The following PCDHGA10 variants were observed in gnomAD, a reference collection of about 807,000 sequenced individuals.
PCDHGA10 encodes protocadherin gamma subfamily A, 10, also known as protocadherin gamma-A10.
Under a neutral mutation model 59.5 loss-of-function variants are expected in PCDHGA10, and 42 were observed. The observed-to-expected ratio is 0.71, with a 90% confidence interval of 0.55 to 0.91. The LOEUF (loss-of-function observed/expected upper bound fraction) is 0.91. Among genes scored for constraint, PCDHGA10 ranks in the 40% least tolerant of loss-of-function variants. The pLI, the probability that PCDHGA10 is intolerant of heterozygous loss-of-function variation, is 0.00. For synonymous variants in PCDHGA10, 511 were observed against 517.2 expected (o/e 0.99, Z 0.16); for missense variants, 1,111 against 1,198.2 (o/e 0.93, Z 1.07).
At chr5:141,422,587 C>G in intron 1 of PCDHGA10, 2 of 1,614,032 alleles carry the variant, frequency 1.2e-6, no homozygotes, top group Non-Finnish European at 1.7e-6. Flanking sequence ...TCCCGTTTTT[C>G]CTCACTCCTC....
intron 1 of PCDHGA10, among the ~76,000 whole-genome samples, chr5:141,445,264 G>A (rs566395616): frequency 1.4e-4 from 22 of 152,276 alleles, no homozygotes; most frequent in Admixed American, 1.4e-3. Flanking sequence ...AATATAAGTC[G>A]AAACCACTCT....
In PCDHGA10 at chr5:141,415,170, C is replaced by T. The variant is rs781724309; in HGVS notation, c.1995C>T (p.Thr665=). Residue 665 remains threonine (T), a synonymous_variant, in exon 1 of 4, where the codon ACC becomes ACT. Coordinates refer to ENST00000398610, the MANE Select transcript of PCDHGA10 (RefSeq NM_018913.3). ...QPPLSATVTL[T]VAVADSIPQV... ...CTCTCTCCGCCACTGTCACGCTCAC[C>T]GTGGCCGTGGCCGACAGCATCCCCC... 3.7e-6 allele frequency: 6 copies of T among 1,613,878 alleles called. No individual in the cohort carries two copies. Among genetic ancestry groups the T allele is most frequent in the South Asian group, 2.2e-5 (2 of 91,084 alleles).
At chr5:141,418,278 T>C (rs2096243624) in intron 1 of PCDHGA10, 1 of 1,613,954 alleles carries the variant, frequency 6.2e-7, no homozygotes, top group East Asian at 2.2e-5. Context: ...GAAATAAACT[T>C]AGAAATCAGT....
At chr5:141,464,430 T>C (rs1213919443) in intron 1 of PCDHGA10, among the ~76,000 whole-genome samples, 1 of 151,680 alleles carries the variant, frequency 6.6e-6, no homozygotes, top group Non-Finnish European at 1.5e-5. Flanking sequence ...TATATAGATA[T>C]ATATGTTTGT....
chr5:141,449,588 CAAA>C (rs768743917), intron 1 of PCDHGA10, among the ~76,000 whole-genome samples: 1 of 57,486 alleles, frequency 1.7e-5, no homozygotes, highest in Non-Finnish European at 3.7e-5. Context: ...GACTCTGTCT[CAAA>C]AAAAAAAAAA....
In PCDHGA10 at chr5:141,413,010, C is replaced by A; in HGVS notation, c.-166C>A. 1.6e-6 allele frequency: 1 copy of A among 640,210 alleles called. No homozygotes were observed. The allele number at this position is 640,210 out of a possible 1,614,324, so 39.7% of individuals were successfully genotyped here. ...TCAATCCGGATTCTCAGGGCTTCAA[C>A]TACACAAGCCCCACAAACCGGCTGC... On this transcript the variant is annotated 5_prime_UTR_variant, in exon 1 of 4. Coordinates refer to ENST00000398610, the MANE Select transcript of PCDHGA10 (RefSeq NM_018913.3).
chr5:141,420,187 C>T (rs1369031488), intron 1 of PCDHGA10: 7 of 1,613,824 alleles, frequency 4.3e-6, no homozygotes, highest in Non-Finnish European at 5.9e-6. Context: ...ATTGTCCAGC[C>T]ACACAAGATA....
chr5:141,418,016 G>C (rs772945671), intron 1 of PCDHGA10: 1 of 1,613,968 alleles, frequency 6.2e-7, no homozygotes, highest in Non-Finnish European at 8.5e-7. Context: ...CCTCGCTAAG[G>C]ATCTAGGGCT....
At chr5:141,427,191 G>A (rs749528616) in intron 1 of PCDHGA10, 1 of 456,716 alleles carries the variant, frequency 2.2e-6, no homozygotes, top group South Asian at 1.5e-5. Flanking sequence ...TAAATCCAAA[G>A]ACTTAATAGA....
At position 141,489,947 on chromosome 5, in the gene PCDHGA10, A is replaced by G. The variant is rs368977481; in HGVS notation, c.2437-4860A>G. The G allele has an allele frequency of 5.4e-5, 87 of 1,614,090 alleles. No individual in the cohort carries two copies. Among genetic ancestry groups the G allele is most frequent in the South Asian group, 6.6e-5 (6 of 91,094 alleles). ...ATCTCTGTCATCGTGCTGGACATCA[A>G]TGATAATGCTCCAACCTTCCAATCC... On this transcript the variant is annotated intron_variant, in intron 1 of 3. Transcript: ENST00000398610. This position sits in a 1 kb window ranked among gnomAD's most constrained non-coding sequence, Gnocchi z 4.5.
At chr5:141,441,005 C>T (rs772059231) in intron 1 of PCDHGA10, 1 of 152,116 alleles carries the variant, frequency 6.6e-6, no homozygotes, top group Non-Finnish European at 1.5e-5. Context: ...CTAGTTTGGC[C>T]TTGATCAAAT....
At chr5:141,434,843 G>C (rs1302739038) in intron 1 of PCDHGA10, among the ~76,000 whole-genome samples, 2 of 151,746 alleles carry the variant, frequency 1.3e-5, no homozygotes, top group African/African-American at 4.8e-5. Flanking sequence ...TTATAAAGCA[G>C]ACATCAATAA....
At chr5:141,481,913 CA>C (rs34114744) in intron 1 of PCDHGA10, among the ~76,000 whole-genome samples, 39,195 of 90,872 alleles carry the variant, frequency 0.43, 5,902 homozygotes, top group Admixed American at 0.51. Flanking sequence ...AACTCCATCT[CA>C]AAAAAAAAAA....
chr5:141,423,482 A>G, intron 1 of PCDHGA10: 2 of 1,613,968 alleles, frequency 1.2e-6, no homozygotes, highest in African/African-American at 1.3e-5. Flanking sequence ...GCTTTCCTGC[A>G]AACCTATTCC....
At chr5:141,416,913 G>C (rs2096067624) in intron 1 of PCDHGA10, 1 of 151,920 alleles carries the variant, frequency 6.6e-6, no homozygotes, top group South Asian at 2.1e-4. Context: ...ACACTCTTTA[G>C]GGTCATAGTT....
At position 141,476,090 on chromosome 5, in the gene PCDHGA10, C is replaced by T; in HGVS notation, c.2437-18717C>T. On this transcript the variant is annotated intron_variant, in intron 1 of 3. Coordinates refer to ENST00000398610, the MANE Select transcript of PCDHGA10 (RefSeq NM_018913.3). The surrounding 1 kb of genome is among the most constrained non-coding windows in gnomAD (Gnocchi z 7.6). ...GAAATCTCAGGGACGATCTGGACCC[C>T]GCTGAGAGGAACTGCTTTTGAGTGA... 3 of 1,562,222 alleles carry T rather than the reference C, an allele frequency of 1.9e-6. No individual in the cohort carries two copies. Among genetic ancestry groups the T allele is most frequent in the African/African-American group, 1.4e-5 (1 of 73,764 alleles).
At chr5:141,420,010 GTC>G in intron 1 of PCDHGA10, 1 of 1,614,088 alleles carries the variant, frequency 6.2e-7, no homozygotes, top group South Asian at 1.1e-5. Context: ...GCCTGCGACA[GTC>G]TTTCAGCCCT....
intron 1 of PCDHGA10, chr5:141,478,393 G>A (rs2099452978): frequency 6.2e-7 from 1 of 1,613,488 alleles, no homozygotes; most frequent in South Asian, 1.1e-5. Flanking sequence ...TTTACCATCA[G>A]GTGTATCTCA....
intron 1 of PCDHGA10, among the ~76,000 whole-genome samples, chr5:141,463,179 A>G (rs1261927835): frequency 6.6e-6 from 1 of 152,082 alleles, no homozygotes; most frequent in Non-Finnish European, 1.5e-5. Context: ...GTATGCTCAG[A>G]TTATTATTTA....
Sources: allele counts gnomAD v4.1 joint callset (sites outside exome capture counted in the v4.1 genomes callset), GRCh38; gene constraint gnomAD v4.1.1; non-coding constraint Gnocchi (gnomAD v3.1); transcripts MANE v1.5; gene names NCBI Gene and HGNC (gene_info 2026-07-23, HGNC 2026-07-21).